TSBP1: variants seen among roughly 807,000 people sequenced by gnomAD.
The protein encoded by TSBP1 is testis expressed basic protein 1, also known as testis-expressed basic protein 1.
Under a neutral mutation model 68.8 loss-of-function variants are expected in TSBP1, and 56 were observed. The observed-to-expected ratio is 0.81, with a 90% CI of 0.66 to 1.02. The LOEUF (loss-of-function observed/expected upper bound fraction) is 1.02, where lower values mean the gene tolerates loss of function less well. Among genes scored for constraint, TSBP1 ranks in the 50% least tolerant of loss-of-function variants. TSBP1 has a pLI of 0.00. For synonymous variants in TSBP1, 171 were observed against 208.7 expected (o/e 0.82, Z 1.56); for missense variants, 502 against 641.2 (o/e 0.78, Z 2.34).
intron 6 of TSBP1, among the ~76,000 whole-genome samples, chr6:32,358,268 G>A (rs2395150): frequency 0.52 from 78,360 of 151,846 alleles, 20,776 homozygotes; most frequent in Middle Eastern, 0.61. Flanking sequence ...GTATTCTGGT[G>A]GACTGTTACT....
At chr6:32,368,724 G>T in intron 3 of TSBP1, 58 bp downstream of exon 3, 1 of 1,501,238 alleles carries the variant, frequency 6.7e-7, no homozygotes, top group South Asian at 1.2e-5. Context: ...TTTCTTTCCT[G>T]ACTTGTGAAA....
At position 32,365,058 on chromosome 6, in the gene TSBP1, T is replaced by C. The variant is rs1380748033; in HGVS notation, c.217+1109A>G. Among the ~76,000 whole-genome samples, 1 of 78,022 alleles carries C rather than the reference T, an allele frequency of 1.3e-5. No homozygotes were observed. Among genetic ancestry groups the C allele is most frequent in the Non-Finnish European group, 2.7e-5 (1 of 37,038 alleles). The allele number at this position is 78,022 out of a possible 152,430, so 51.2% of individuals were successfully genotyped here. A position where few individuals can be genotyped will look rare whatever the true frequency, so the allele number is the denominator to read the frequency against. ...GCAGGTGTGCACCGCCACATCCAAC[T>C]GATTTTTTTTTTTTTTAGAGACGGA... On this transcript the variant is annotated intron_variant, in intron 6 of 22. Coordinates refer to ENST00000612031, the Ensembl canonical transcript of TSBP1. This position sits in a 1 kb window ranked among gnomAD's most constrained non-coding sequence, Gnocchi z 4.3.
intron 18 of TSBP1, among the ~76,000 whole-genome samples, chr6:32,318,585 T>C (rs1035410468): frequency 2.0e-5 from 3 of 152,252 alleles, no homozygotes; most frequent in Non-Finnish European, 4.4e-5. Flanking sequence ...GAAGTACTGC[T>C]GCATATTACC....
At chr6:32,371,763 A>C in exon 1 of TSBP1, 1 of 1,611,520 alleles carries the variant, frequency 6.2e-7, no homozygotes. Context: ...TGTCAGAGAG[A>C]GATCAAGGTA....
intron 17 of TSBP1, 142 bp downstream of exon 18, chr6:32,323,449 A>C: frequency 1.3e-6 from 1 of 776,448 alleles, no homozygotes; most frequent in Non-Finnish European, 2.3e-6. Context: ...CTGGATGAGC[A>C]GAAGGCAGAG....
exon 23 of TSBP1, chr6:32,293,186 T>G: frequency 3.1e-6 from 5 of 1,611,336 alleles, no homozygotes; most frequent in Non-Finnish European, 4.2e-6. Context: ...ATTATTTCCT[T>G]TATCCTCAAA....
intron 22 of TSBP1, among the ~76,000 whole-genome samples, chr6:32,295,351 A>ACAC (rs773829841): frequency 0.035 from 3,240 of 91,982 alleles, 55 homozygotes; most frequent in South Asian, 0.088. Context: ...CACACACACA[A>ACAC]AAAAAAAAAA....
In TSBP1 at chr6:32,306,302, C is replaced by T. The variant is rs9268176; in HGVS notation, c.581-3673G>A. 0.2 allele frequency among the ~76,000 whole-genome samples: 31,001 copies of T among 152,090 alleles called. 3,325 individuals are homozygous for T. Among genetic ancestry groups the T allele is most frequent in the Non-Finnish European group, 0.22 (14,625 of 67,982 alleles). On this transcript the variant is annotated intron_variant, in intron 19 of 22. Transcript: ENST00000612031. This position sits in a 1 kb window ranked among gnomAD's most constrained non-coding sequence, Gnocchi z 5.1. ...CAAGGACAAAGACGTTCCCAACCTC[C>T]TCTGACTCTTGCTGGCATCCAGATC...
Position 32,343,386 on chromosome 6 carries a change from C to T in TSBP1, c.350-3748G>A, listed in dbSNP as rs148394151. 4.3e-6 allele frequency: 2 copies of T among 463,732 alleles called. No homozygotes were observed. The highest frequency in any genetic ancestry group is 7.5e-6 in the Non-Finnish European group (2 of 267,336). 28.7% of individuals were successfully genotyped at this position (463,732 alleles called of 1,614,324 possible). The stretch of plus-strand genomic sequence containing the variant: ...CTTTCCATTCCCCTGTAGGTAGGCT[C>T]ATAAAGTGGCCACACTTGCAAGTGA... On this transcript the variant is annotated intron_variant, in intron 9 of 22. Transcript: ENST00000612031. The surrounding 1 kb of genome is among the most constrained non-coding windows in gnomAD (Gnocchi z 4.3).
chr6:32,371,840 G>T, exon 1 of TSBP1: 1 of 878,286 alleles, frequency 1.1e-6, no homozygotes, highest in African/African-American at 1.6e-5. Flanking sequence ...GCCCTTGTAG[G>T]CAGAGATGCA....
chr6:32,371,335 G>A (rs1309099017), intron 1 of TSBP1, among the ~76,000 whole-genome samples: 2 of 152,170 alleles, frequency 1.3e-5, no homozygotes, highest in African/African-American at 4.8e-5. Context: ...TAGGGAAAAT[G>A]AGAGGAAATC....
intron 19 of TSBP1, among the ~76,000 whole-genome samples, chr6:32,305,342 C>T (rs1326778716): frequency 6.6e-6 from 1 of 152,116 alleles, no homozygotes; most frequent in Non-Finnish European, 1.5e-5. Context: ...TTTACTGAAG[C>T]TCTAGAGGAA....
Position 32,339,015 on chromosome 6 carries a change from A to G in TSBP1, c.389-16T>C, listed in dbSNP as rs1412696221. 2 of 1,609,948 alleles carry G rather than the reference A, an allele frequency of 1.2e-6. No individual in the cohort carries two copies. The highest frequency in any genetic ancestry group is 1.7e-6 in the Non-Finnish European group (2 of 1,177,236). ...GCAGTTCTGGCTAAAATACAAACAA[A>G]AAAGGTGAGTTTGAAGAGAGCATGA... On this transcript the variant is annotated splice_polypyrimidine_tract_variant and intron_variant, in intron 10 of 22. Coordinates refer to ENST00000612031, the Ensembl canonical transcript of TSBP1.
chr6:32,327,654 C>CTTTTTTTT (rs9281739), intron 16 of TSBP1, among the ~76,000 whole-genome samples: 1 of 146,994 alleles, frequency 6.8e-6, no homozygotes. Flanking sequence ...TTTTCTTTTT[C>CTTTTTTTT]TTTTTTTTTT....
Position 32,325,869 on chromosome 6 carries a change from T to C in TSBP1, c.515-2255A>G. The stretch of plus-strand genomic sequence containing the variant: ...TCGGTGGGAATGACAACTTTGATCA[T>C]GGAGGAAACTTCAGTGGTTGTGGTG... On this transcript the variant is annotated intron_variant, in intron 16 of 22. Transcript: ENST00000612031. This position sits in a 1 kb window ranked among gnomAD's most constrained non-coding sequence, Gnocchi z 4.4. The C allele has an allele frequency of 4.8e-6, 7 of 1,454,016 alleles. No individual in the cohort carries two copies. The Admixed American group carries it at 8.4e-5, about 17-fold the overall frequency. 90.1% of individuals were successfully genotyped at this position (1,454,016 alleles called of 1,614,324 possible). A position where few individuals can be genotyped will look rare whatever the true frequency, so the allele number is the denominator to read the frequency against.
At chr6:32,353,097 A>G (rs1393208579) in intron 8 of TSBP1, 3 of 151,984 alleles carry the variant, frequency 2.0e-5, no homozygotes, top group Non-Finnish European at 4.4e-5. Context: ...TTACCCATAG[A>G]TATACATAGC....
At chr6:32,356,304 A>AT (rs9281747) in intron 6 of TSBP1, among the ~76,000 whole-genome samples, 16,031 of 151,696 alleles carry the variant, frequency 0.11, 1,232 homozygotes, top group African/African-American at 0.2. Flanking sequence ...AGACAATAGT[A>AT]TTTTTTTTTC....
rs1773576942 is a variant in TSBP1, at chr6:32,365,346, G to A, written c.217+821C>T. 1 of 457,120 alleles carries A rather than the reference G, an allele frequency of 2.2e-6. No individual in the cohort carries two copies. The highest frequency in any genetic ancestry group is 2.3e-5 in the Admixed American group (1 of 42,554). The allele number at this position is 457,120 out of a possible 1,614,324, so 28.3% of individuals were successfully genotyped here. ...CACAAAGTCAAACTGACTGTGAGAT[G>A]TTTCCTTTTGTTGTCCATGGTGGCT... On this transcript the variant is annotated intron_variant, in intron 6 of 22. Transcript: ENST00000612031. This position sits in a 1 kb window ranked among gnomAD's most constrained non-coding sequence, Gnocchi z 4.3.
At chr6:32,312,102 A>G (rs1766464369) in intron 19 of TSBP1, among the ~76,000 whole-genome samples, 1 of 152,194 alleles carries the variant, frequency 6.6e-6, no homozygotes, top group Non-Finnish European at 1.5e-5. Flanking sequence ...GACTAGAGTC[A>G]GTACTCCCAC....
Sources: allele counts gnomAD v4.1 joint callset (sites outside exome capture counted in the v4.1 genomes callset), GRCh38; gene constraint gnomAD v4.1.1; non-coding constraint Gnocchi (gnomAD v3.1); transcripts MANE v1.5; gene names NCBI Gene and HGNC (gene_info 2026-07-23, HGNC 2026-07-21).